EXOC6B: variants seen among roughly 807,000 people sequenced by gnomAD.
EXOC6B encodes exocyst complex component 6B.
Under a neutral mutation model 113.5 loss-of-function variants are expected in EXOC6B, and 54 were observed. That is an observed-to-expected ratio of 0.48 (90% CI 0.38 to 0.60). The LOEUF (loss-of-function observed/expected upper bound fraction) is 0.60, where lower values mean the gene tolerates loss of function less well. Ranked by LOEUF, EXOC6B falls within the 20% of genes least tolerant of loss-of-function variation. The probability of loss-of-function intolerance (pLI) is 0.00; values close to 1 mark genes in which losing one functional copy is unlikely to be tolerated. For synonymous variants in EXOC6B, 357 were observed against 339.0 expected (o/e 1.05, Z -0.58); for missense variants, 797 against 977.5 (o/e 0.82, Z 2.46).
At chr2:72,596,157 G>A (rs1334301639) in intron 6 of EXOC6B, among the ~76,000 whole-genome samples, 1 of 152,050 alleles carries the variant, frequency 6.6e-6, no homozygotes, top group Non-Finnish European at 1.5e-5. Context: ...TCCAAAGTGT[G>A]AAAAGCTTAG....
intron 7 of EXOC6B, among the ~76,000 whole-genome samples, chr2:72,572,592 T>C (rs2103801542): frequency 6.6e-6 from 1 of 152,306 alleles, no homozygotes; most frequent in East Asian, 1.9e-4. Flanking sequence ...ATGCCACAGT[T>C]ACCATGCTTA....
chr2:72,200,307 G>C (rs1679413905), intron 20 of EXOC6B, among the ~76,000 whole-genome samples: 1 of 152,170 alleles, frequency 6.6e-6, no homozygotes, highest in Non-Finnish European at 1.5e-5. Flanking sequence ...CACATTTACT[G>C]ATGACCAGAT....
At chr2:72,576,128 T>G (rs1015556979) in intron 6 of EXOC6B, among the ~76,000 whole-genome samples, 2 of 152,146 alleles carry the variant, frequency 1.3e-5, no homozygotes, top group Non-Finnish European at 2.9e-5. Context: ...AGAATTAATT[T>G]TAATACATTT....
chr2:72,278,454 G>A (rs1193068625), intron 20 of EXOC6B, among the ~76,000 whole-genome samples: 1 of 152,178 alleles, frequency 6.6e-6, no homozygotes, highest in Non-Finnish European at 1.5e-5. Context: ...ATTCAAAGGA[G>A]GTGGTGAGTG....
At chr2:72,597,260 T>C (rs1670131876) in intron 6 of EXOC6B, among the ~76,000 whole-genome samples, 1 of 151,628 alleles carries the variant, frequency 6.6e-6, no homozygotes, top group Non-Finnish European at 1.5e-5. Flanking sequence ...TTATAGTTTA[T>C]GGATAAAGGA....
At chr2:72,254,228 G>A (rs1156903880) in intron 20 of EXOC6B, among the ~76,000 whole-genome samples, 2 of 152,164 alleles carry the variant, frequency 1.3e-5, no homozygotes, top group Admixed American at 6.5e-5. Context: ...TGGAATAAGG[G>A]TCTTTGAAAT....
rs559451215 is a variant in EXOC6B at position 72,823,467 on chromosome 2, A to C, written c.113+2331T>G. ...TCAAATCAAAGTTTTAAGAAAAAAA[A>C]AAAAAAAAAAACAAAAAACAAAAAA... On this transcript the variant is annotated intron_variant, in intron 1 of 21. Transcript: ENST00000272427. 7.1e-4 allele frequency among the ~76,000 whole-genome samples: 96 copies of C among 136,148 alleles called. 5 individuals carry two copies. Among genetic ancestry groups the C allele is most frequent in the African/African-American group, 2.8e-3 (91 of 32,468 alleles). The allele number at this position is 136,148 out of a possible 152,430, so 89.3% of individuals were successfully genotyped here. A position where few individuals can be genotyped will look rare whatever the true frequency, so the allele number is the denominator to read the frequency against.
At chr2:72,469,999 T>C (rs917640471) in intron 17 of EXOC6B, among the ~76,000 whole-genome samples, 4 of 152,134 alleles carry the variant, frequency 2.6e-5, no homozygotes, top group African/African-American at 9.7e-5. Context: ...TAACCTTACT[T>C]CAATCCCTCA....
intron 6 of EXOC6B, among the ~76,000 whole-genome samples, chr2:72,685,280 A>G (rs975724376): frequency 1.3e-5 from 2 of 152,212 alleles, no homozygotes; most frequent in Non-Finnish European, 2.9e-5. Flanking sequence ...TTGATCTCCA[A>G]GTCAAATTAC....
chr2:72,315,670 G>A (rs758768034), intron 20 of EXOC6B, among the ~76,000 whole-genome samples: 4 of 152,102 alleles, frequency 2.6e-5, no homozygotes, highest in African/African-American at 4.8e-5. Context: ...CAGATTGGAC[G>A]TGTGATGTGC....
At chr2:72,234,490 A>G (rs969159297) in intron 20 of EXOC6B, among the ~76,000 whole-genome samples, 3 of 152,218 alleles carry the variant, frequency 2.0e-5, no homozygotes, top group African/African-American at 7.2e-5. Flanking sequence ...ATACTTCTGG[A>G]CATAGGCCCC....
At chr2:72,182,096 G>A (rs1252347640) in intron 21 of EXOC6B, among the ~76,000 whole-genome samples, 1 of 152,198 alleles carries the variant, frequency 6.6e-6, no homozygotes, top group East Asian at 1.9e-4. Context: ...ATTCCTATGA[G>A]GCTGGGAGAT....
chr2:72,614,461 T>C (rs1382331564), intron 6 of EXOC6B, among the ~76,000 whole-genome samples: 1 of 152,070 alleles, frequency 6.6e-6, no homozygotes, highest in East Asian at 1.9e-4. Flanking sequence ...TTAATTTAAA[T>C]TGGACTCAAG....
rs111604245 is a variant in EXOC6B, at chr2:72,570,704, G to C, written c.846+4788C>G. Among the ~76,000 whole-genome samples the C allele has an allele frequency of 5.1e-3, 778 of 152,268 alleles. 10 individuals carry two copies. Among genetic ancestry groups the C allele is most frequent in the African/African-American group, 0.017 (719 of 41,552 alleles). On this transcript the variant is annotated intron_variant, in intron 7 of 21. Transcript: ENST00000272427. ...ATCAATGAAGTATTCTAAGAATGCA[G>C]AAGCTCTGAAGTAACCTAGAAACAA...
chr2:72,611,351 G>A lies in EXOC6B; in HGVS notation c.670-35683C>T, dbSNP rs143054232. Among the ~76,000 whole-genome samples, 1,462 of 149,648 alleles carry A rather than the reference G, an allele frequency of 9.8e-3. 25 individuals carry two copies. The highest frequency in any genetic ancestry group is 0.033 in the African/African-American group (1,340 of 40,384). ...CCAGTCCCAGGAAAAGAGCAAGACT[G>A]TCTCAAAAAAAAAAACAAAAAAAGG... On this transcript the variant is annotated intron_variant, in intron 6 of 21. Transcript: ENST00000272427.
At chr2:72,579,589 T>A (rs1275479935) in intron 6 of EXOC6B, among the ~76,000 whole-genome samples, 4 of 152,202 alleles carry the variant, frequency 2.6e-5, no homozygotes, top group Non-Finnish European at 5.9e-5. Flanking sequence ...ACTGTCAAAC[T>A]AATTCACTAT....
chr2:72,581,473 A>T (rs1705220435), intron 6 of EXOC6B, among the ~76,000 whole-genome samples: 1 of 152,238 alleles, frequency 6.6e-6, no homozygotes, highest in African/African-American at 2.4e-5. Flanking sequence ...ACAAATAAAT[A>T]GACAAATAGT....
At chr2:72,550,598 T>G (rs1485139708) in intron 8 of EXOC6B, among the ~76,000 whole-genome samples, 1 of 152,186 alleles carries the variant, frequency 6.6e-6, no homozygotes, top group Non-Finnish European at 1.5e-5. Context: ...TATAAAATAC[T>G]TCAACAGTAG....
At chr2:72,205,883 T>G (rs916780485) in intron 20 of EXOC6B, among the ~76,000 whole-genome samples, 9 of 152,124 alleles carry the variant, frequency 5.9e-5, no homozygotes, top group Admixed American at 5.9e-4. Context: ...ATTGGGGATA[T>G]TGAAGTTTTG....
Sources: allele counts gnomAD v4.1 joint callset (sites outside exome capture counted in the v4.1 genomes callset), GRCh38; gene constraint gnomAD v4.1.1; transcripts MANE v1.5; gene names NCBI Gene and HGNC (gene_info 2026-07-23, HGNC 2026-07-21).